Variants in HS6ST3 observed in about 807,000 individuals in gnomAD.
The protein encoded by HS6ST3 is heparan-sulfate 6-O-sulfotransferase 3.
HS6ST3 carries 12 observed loss-of-function variants against 36.7 expected under a neutral mutation model. That is an observed-to-expected ratio of 0.33 (90% confidence interval 0.21 to 0.53). The LOEUF is 0.53. HS6ST3 is among the 20% of genes least tolerant of loss of function. The probability of loss-of-function intolerance (pLI) is 0.95; values close to 1 mark genes in which losing one functional copy is unlikely to be tolerated. For missense variants in HS6ST3, 584 were observed against 640.9 expected (o/e 0.91, Z 0.96); for synonymous variants, 240 against 257.5 (o/e 0.93, Z 0.65).
chr13:96,399,990 T>A (rs1317014788), intron 1 of HS6ST3, among the ~76,000 whole-genome samples: 1 of 152,006 alleles, frequency 6.6e-6, no homozygotes, highest in Non-Finnish European at 1.5e-5. Flanking sequence ...GGGAGATTGG[T>A]CTTATCATTT....
At chr13:96,523,171 A>C (rs905854441) in intron 1 of HS6ST3, among the ~76,000 whole-genome samples, 2 of 152,164 alleles carry the variant, frequency 1.3e-5, no homozygotes, top group African/African-American at 2.4e-5. Flanking sequence ...CTTTTCTTTA[A>C]GAATGTTGAA....
intron 1 of HS6ST3, among the ~76,000 whole-genome samples, chr13:96,445,783 A>C (rs1248008802): frequency 6.6e-6 from 1 of 151,914 alleles, no homozygotes; most frequent in African/African-American, 2.4e-5. Flanking sequence ...CATAAGAATC[A>C]CTTGGACCCA....
intron 1 of HS6ST3, among the ~76,000 whole-genome samples, chr13:96,332,423 G>T (rs993605351): frequency 4.6e-5 from 7 of 152,160 alleles, no homozygotes. Flanking sequence ...TTCAGCATCT[G>T]TAAAACTCTA....
At chr13:96,828,417 A>AT (rs770232805) in intron 1 of HS6ST3, among the ~76,000 whole-genome samples, 18 of 151,246 alleles carry the variant, frequency 1.2e-4, no homozygotes, top group Admixed American at 3.3e-4. Context: ...GTTGGTGTGT[A>AT]TTTTTTTTTA....
rs547207822 is a variant in HS6ST3 at position 96,225,877 on chromosome 13, T to C, written c.707+134308T>C. Among the ~76,000 whole-genome samples, 296 of 152,278 alleles carry C rather than the reference T, an allele frequency of 1.9e-3. 1 individual carries two copies. The highest frequency in any genetic ancestry group is 3.4e-3 in the Non-Finnish European group (228 of 68,024). On this transcript the variant is annotated intron_variant, in intron 1 of 1. Coordinates refer to ENST00000376705, the MANE Select transcript of HS6ST3 (RefSeq NM_153456.4). ...GAATGTAAAAGAGTGAATAGAAGTATAGAGAAGTAGCTTATAAGCATGCCA... is the reference window on the plus strand; with the variant it reads ...GAATGTAAAAGAGTGAATAGAAGTACAGAGAAGTAGCTTATAAGCATGCCA...
At chr13:96,374,009 T>C (rs1453949222) in intron 1 of HS6ST3, among the ~76,000 whole-genome samples, 1 of 152,184 alleles carries the variant, frequency 6.6e-6, no homozygotes, top group Non-Finnish European at 1.5e-5. Flanking sequence ...AGAAGCAGCA[T>C]TATAAAGTTA....
chr13:96,096,768 C>T (rs765463841), intron 1 of HS6ST3, among the ~76,000 whole-genome samples: 1 of 152,144 alleles, frequency 6.6e-6, no homozygotes, highest in Non-Finnish European at 1.5e-5. Flanking sequence ...ATTGCTTTTC[C>T]TTTAGACAGC....
At chr13:96,462,583 C>G (rs913229021) in intron 1 of HS6ST3, among the ~76,000 whole-genome samples, 1 of 152,158 alleles carries the variant, frequency 6.6e-6, no homozygotes, top group African/African-American at 2.4e-5. Flanking sequence ...AGCCCACTGT[C>G]ACAATTCCTC....
At chr13:96,122,066 T>G (rs1026354962) in intron 1 of HS6ST3, among the ~76,000 whole-genome samples, 1 of 151,458 alleles carries the variant, frequency 6.6e-6, no homozygotes, top group African/African-American at 2.4e-5. Flanking sequence ...TGCAAGAGAT[T>G]TACATGCTAG....
chr13:96,223,216 G>A (rs963848356), intron 1 of HS6ST3, among the ~76,000 whole-genome samples: 6 of 152,208 alleles, frequency 3.9e-5, no homozygotes, highest in African/African-American at 1.4e-4. Flanking sequence ...GAGAAATCAT[G>A]AGTGACATTG....
intron 1 of HS6ST3, among the ~76,000 whole-genome samples, chr13:96,832,179 T>C (rs1878813033): frequency 6.6e-6 from 1 of 152,128 alleles, no homozygotes; most frequent in South Asian, 2.1e-4. Context: ...GGTATTGTTA[T>C]TGCCAGCAGT....
At chr13:96,618,402 G>T (rs1461940655) in intron 1 of HS6ST3, among the ~76,000 whole-genome samples, 1 of 152,042 alleles carries the variant, frequency 6.6e-6, no homozygotes, top group Non-Finnish European at 1.5e-5. Flanking sequence ...TGCCCTGGCT[G>T]GTTCTTTATT....
intron 1 of HS6ST3, among the ~76,000 whole-genome samples, chr13:96,517,366 C>G (rs529109864): frequency 1.9e-4 from 29 of 152,258 alleles, no homozygotes; most frequent in Non-Finnish European, 2.9e-4. Context: ...GGCAACAGAG[C>G]AAGACCCTGT....
chr13:96,097,390 C>T (rs1437624938), intron 1 of HS6ST3, among the ~76,000 whole-genome samples: 1 of 152,082 alleles, frequency 6.6e-6, no homozygotes, highest in African/African-American at 2.4e-5. Flanking sequence ...ATGAACTAAA[C>T]AGTTTAATTG....
intron 1 of HS6ST3, among the ~76,000 whole-genome samples, chr13:96,381,211 A>G (rs1329916877): frequency 6.6e-6 from 1 of 152,110 alleles, no homozygotes; most frequent in Non-Finnish European, 1.5e-5. Flanking sequence ...GGGCACTGCT[A>G]TTTTCTTTGG....
intron 1 of HS6ST3, among the ~76,000 whole-genome samples, chr13:96,518,364 G>A (rs1258319103): frequency 6.6e-6 from 1 of 152,144 alleles, no homozygotes; most frequent in African/African-American, 2.4e-5. Context: ...AATTGGAATA[G>A]TATGAGTTAA....
chr13:96,217,029 G>T (rs1045987185), intron 1 of HS6ST3, among the ~76,000 whole-genome samples: 2 of 152,090 alleles, frequency 1.3e-5, no homozygotes, highest in Non-Finnish European at 2.9e-5. Context: ...TGTTCCGCCT[G>T]CACCCCCAGG....
rs945145313 is a variant in HS6ST3 at position 96,621,636 on chromosome 13, C to T, written c.708-210854C>T. 4.6e-5 allele frequency among the ~76,000 whole-genome samples: 7 copies of T among 152,146 alleles called. 1 individual carries two copies. Among genetic ancestry groups the T allele is most frequent in the South Asian group, 4.2e-4 (2 of 4,818 alleles). On this transcript the variant is annotated intron_variant, in intron 1 of 1. Transcript: ENST00000376705. ...GGTGCTATTACCAACCCAAACGCTC[C>T]GGATTGATTTAGTTACAGACTAATT...
At chr13:96,761,307 C>T (rs1876965632) in intron 1 of HS6ST3, among the ~76,000 whole-genome samples, 1 of 151,906 alleles carries the variant, frequency 6.6e-6, no homozygotes, top group Non-Finnish European at 1.5e-5. Context: ...TGATGATTTT[C>T]CCTCCAGTCC....
Sources: gnomAD v4.1 joint callset for allele counts (sites outside exome capture counted in the v4.1 genomes callset) on GRCh38, gnomAD v4.1.1 for gene constraint, MANE v1.5 for transcripts, NCBI Gene and HGNC (gene_info 2026-07-23, HGNC 2026-07-21) for gene names.